Variants in L3MBTL4 observed in about 807,000 individuals in gnomAD.
L3MBTL4 encodes the protein L3MBTL histone methyl-lysine binding protein 4, also known as lethal(3)malignant brain tumor-like protein 4.
Under a neutral mutation model 84.5 loss-of-function variants are expected in L3MBTL4, and 70 were observed. The observed-to-expected ratio is 0.83, with a 90% CI of 0.68 to 1.01. The LOEUF is 1.01. Among genes scored for constraint, L3MBTL4 ranks in the 50% least tolerant of loss-of-function variants. L3MBTL4 has a pLI of 0.00. For missense variants in L3MBTL4, 715 were observed against 754.8 expected (o/e 0.95, Z 0.62); for synonymous variants, 274 against 259.8 (o/e 1.05, Z -0.52).
rs192467302 is a variant in L3MBTL4 at position 6,020,130 on chromosome 18, C to T, written c.1445-50568G>A. 5.9e-5 allele frequency among the ~76,000 whole-genome samples: 9 copies of T among 152,024 alleles called. No individual in the cohort carries two copies. The South Asian group carries it at 1.2e-3, about 21-fold the overall frequency. Reference sequence around the variant, plus strand: ...AAATAGAGTATAATAAATGCTATGACGGGAGAAGTATAGGGATTATAGGAT... The same window carrying T: ...AAATAGAGTATAATAAATGCTATGATGGGAGAAGTATAGGGATTATAGGAT... On this transcript the variant is annotated intron_variant, in intron 16 of 18. Transcript: ENST00000317931.
chr18:6,078,894 C>A (rs1457207432), intron 16 of L3MBTL4, among the ~76,000 whole-genome samples: 1 of 152,120 alleles, frequency 6.6e-6, no homozygotes, highest in Admixed American at 6.5e-5. Context: ...TGATGGGAGA[C>A]AGTGACAGAT....
chr18:6,160,115 C>G (rs1178035765), intron 13 of L3MBTL4, among the ~76,000 whole-genome samples: 1 of 152,150 alleles, frequency 6.6e-6, no homozygotes, highest in Non-Finnish European at 1.5e-5. Context: ...CATCCTGGAG[C>G]CTTCACCAAG....
chr18:6,220,584 T>C (rs112398718), intron 10 of L3MBTL4, among the ~76,000 whole-genome samples: 11,379 of 152,254 alleles, frequency 0.075, 1,444 homozygotes, highest in African/African-American at 0.26. Flanking sequence ...TCCACAGCAC[T>C]TATTGACACC....
At chr18:6,123,523 T>A (rs1171565730) in intron 14 of L3MBTL4, among the ~76,000 whole-genome samples, 1 of 152,208 alleles carries the variant, frequency 6.6e-6, no homozygotes, top group African/African-American at 2.4e-5. Context: ...AGCCACCATG[T>A]AAGATGTGCC....
chr18:6,304,636 T>C (rs895856334), intron 3 of L3MBTL4, among the ~76,000 whole-genome samples: 1 of 152,172 alleles, frequency 6.6e-6, no homozygotes. Flanking sequence ...GTGGAAACAG[T>C]CACGCAATCA....
At chr18:6,106,397 C>T (rs1006646122) in intron 14 of L3MBTL4, among the ~76,000 whole-genome samples, 1 of 152,130 alleles carries the variant, frequency 6.6e-6, no homozygotes, top group East Asian at 1.9e-4. Context: ...ACATAGAATA[C>T]TTTGAGGGAA....
At chr18:6,077,052 T>C (rs1272299858) in intron 16 of L3MBTL4, among the ~76,000 whole-genome samples, 2 of 152,156 alleles carry the variant, frequency 1.3e-5, no homozygotes, top group Non-Finnish European at 2.9e-5. Flanking sequence ...TGTCCCATTC[T>C]CTGTGGAACA....
intron 12 of L3MBTL4, among the ~76,000 whole-genome samples, chr18:6,201,465 G>A (rs2045645639): frequency 6.6e-6 from 1 of 152,172 alleles, no homozygotes; most frequent in South Asian, 2.1e-4. Context: ...GAAATGATCA[G>A]AATGCCAGGA....
rs183675591 is a variant in L3MBTL4 at position 6,247,043 on chromosome 18, C to G, written c.220-2455G>C. ...CTTTGCTTTACCATTTGTACTTACTCTATCTCTCATATGTCTCTGTGAGCA... is the reference window on the plus strand; with the variant it reads ...CTTTGCTTTACCATTTGTACTTACTGTATCTCTCATATGTCTCTGTGAGCA... On this transcript the variant is annotated intron_variant, in intron 5 of 18. Coordinates refer to ENST00000317931, the MANE Select transcript of L3MBTL4 (RefSeq NM_001330559.2). Among the ~76,000 whole-genome samples the G allele has an allele frequency of 5.4e-4, 82 of 152,334 alleles. No individual in the cohort carries two copies. In the Middle Eastern group the frequency reaches 0.034, roughly 63 times the overall value.
intron 1 of L3MBTL4, among the ~76,000 whole-genome samples, chr18:6,399,444 G>C (rs1475698788): frequency 6.7e-6 from 1 of 148,974 alleles, no homozygotes; most frequent in Non-Finnish European, 1.5e-5. Context: ...ACAAAAAAAA[G>C]AAAAAAAGAA....
intron 14 of L3MBTL4, among the ~76,000 whole-genome samples, chr18:6,127,178 T>C (rs184645334): frequency 2.6e-5 from 4 of 152,356 alleles, no homozygotes; most frequent in African/African-American, 9.6e-5. Context: ...TGAGAGCTTT[T>C]ACTTTCTATA....
chr18:6,400,155 G>C (rs1261674665), intron 1 of L3MBTL4, among the ~76,000 whole-genome samples: 1 of 152,186 alleles, frequency 6.6e-6, no homozygotes, highest in Non-Finnish European at 1.5e-5. Flanking sequence ...ACCTTGAGAA[G>C]TTGTTTTATG....
At chr18:5,996,509 G>T (rs1307564728) in intron 16 of L3MBTL4, among the ~76,000 whole-genome samples, 3 of 152,116 alleles carry the variant, frequency 2.0e-5, no homozygotes, top group African/African-American at 7.2e-5. Flanking sequence ...GCCAGACGCC[G>T]GGACCAGCAT....
intron 10 of L3MBTL4, among the ~76,000 whole-genome samples, chr18:6,230,373 G>A (rs1197539075): frequency 6.6e-6 from 1 of 152,094 alleles, no homozygotes; most frequent in Non-Finnish European, 1.5e-5. Context: ...TAGGATAATG[G>A]TCTCCAGCTC....
chr18:6,015,342 G>A (rs528677058), intron 16 of L3MBTL4, among the ~76,000 whole-genome samples: 1 of 152,154 alleles, frequency 6.6e-6, no homozygotes, highest in South Asian at 2.1e-4. Context: ...AGGACATGGT[G>A]TTTGAGAAGA....
chr18:6,290,820 G>T (rs2049830801), intron 4 of L3MBTL4, among the ~76,000 whole-genome samples: 1 of 152,110 alleles, frequency 6.6e-6, no homozygotes, highest in South Asian at 2.1e-4. Context: ...GAGCCACCAT[G>T]CCCAGCGAGC....
chr18:6,095,349 T>TC (rs1555652111), intron 14 of L3MBTL4, among the ~76,000 whole-genome samples: 1 of 145,244 alleles, frequency 6.9e-6, no homozygotes, highest in African/African-American at 2.7e-5. Context: ...GAACATGGTT[T>TC]TTTTTTTTTT....
At chr18:6,049,568 A>T (rs2056768567) in intron 16 of L3MBTL4, among the ~76,000 whole-genome samples, 1 of 152,254 alleles carries the variant, frequency 6.6e-6, no homozygotes, top group African/African-American at 2.4e-5. Context: ...TTTTGCAACA[A>T]CGTGGATGCA....
At chr18:6,120,559 C>T (rs1392057770) in intron 14 of L3MBTL4, among the ~76,000 whole-genome samples, 1 of 152,114 alleles carries the variant, frequency 6.6e-6, no homozygotes, top group Non-Finnish European at 1.5e-5. Context: ...CACAACTGAC[C>T]ATGCTCCTAG....
Sources: gnomAD v4.1 joint callset for allele counts (sites outside exome capture counted in the v4.1 genomes callset) on GRCh38, gnomAD v4.1.1 for gene constraint, MANE v1.5 for transcripts, NCBI Gene and HGNC (gene_info 2026-07-23, HGNC 2026-07-21) for gene names.